Variants in SNX29 observed in about 807,000 individuals in gnomAD.
SNX29 encodes sorting nexin 29, also known as sorting nexin-29.
A neutral mutation model predicts 102.1 loss-of-function variants in SNX29; 78 were observed. The ratio of observed to expected loss-of-function variants is 0.76; its 90% CI spans 0.64 to 0.92. SNX29 has a LOEUF of 0.92. Among genes scored for constraint, SNX29 ranks in the 40% least tolerant of loss-of-function variants. The probability of loss-of-function intolerance (pLI) is 0.00; values close to 1 mark genes in which losing one functional copy is unlikely to be tolerated. For missense variants in SNX29, 1,280 were observed against 1,061.7 expected (o/e 1.21, Z -2.86); for synonymous variants, 580 against 414.5 (o/e 1.40, Z -4.85).
chr16:12,483,198 G>A (rs2088052095), intron 19 of SNX29, among the ~76,000 whole-genome samples: 1 of 129,868 alleles, frequency 7.7e-6, no homozygotes, highest in Non-Finnish European at 1.6e-5. Flanking sequence ...TTGTAGAGAT[G>A]GCATTTCACC....
At chr16:12,299,977 T>G (rs1407671741) in intron 15 of SNX29, among the ~76,000 whole-genome samples, 1 of 151,630 alleles carries the variant, frequency 6.6e-6, no homozygotes, top group Non-Finnish European at 1.5e-5. Flanking sequence ...TTCAAGCGAT[T>G]CTCCTGCCTC....
At chr16:12,490,141 C>T (rs192827925) in intron 19 of SNX29, among the ~76,000 whole-genome samples, 1 of 152,190 alleles carries the variant, frequency 6.6e-6, no homozygotes, top group East Asian at 1.9e-4. Flanking sequence ...GTATAGCATA[C>T]CTCCAATTTT....
chr16:12,221,637 G>A (rs538856199), intron 14 of SNX29, among the ~76,000 whole-genome samples: 51 of 152,222 alleles, frequency 3.4e-4, no homozygotes, highest in African/African-American at 1.1e-3. Context: ...AAAAAAGGAT[G>A]AACAGATGGG....
intron 18 of SNX29, among the ~76,000 whole-genome samples, chr16:12,442,205 C>T (rs2085838312): frequency 6.6e-6 from 1 of 152,218 alleles, no homozygotes; most frequent in Non-Finnish European, 1.5e-5. Flanking sequence ...GATCTTGGCA[C>T]TCTTGTCAAA....
At chr16:12,549,041 G>A (rs1478403949) in intron 20 of SNX29, among the ~76,000 whole-genome samples, 1 of 152,236 alleles carries the variant, frequency 6.6e-6, no homozygotes. Context: ...TATCTTAGGT[G>A]AGTCCACTCT....
intron 11 of SNX29, among the ~76,000 whole-genome samples, chr16:12,126,166 A>G (rs1166207892): frequency 6.6e-6 from 1 of 152,242 alleles, no homozygotes; most frequent in Non-Finnish European, 1.5e-5. Context: ...CTTGTGAACC[A>G]TACGGCTACC....
At chr16:12,206,697 C>T (rs886244394) in intron 14 of SNX29, among the ~76,000 whole-genome samples, 2 of 152,074 alleles carry the variant, frequency 1.3e-5, no homozygotes, top group African/African-American at 2.4e-5. Flanking sequence ...TCCATCTCTT[C>T]ACCCCACAGA....
intron 20 of SNX29, among the ~76,000 whole-genome samples, chr16:12,528,985 T>G (rs559362161): frequency 6.6e-6 from 1 of 152,366 alleles, no homozygotes; most frequent in East Asian, 1.9e-4. Context: ...CACACACTCT[T>G]CCATTTTTAA....
At chr16:12,006,206 A>AAATAATAATAATAATAATAAT (rs58638368) in intron 3 of SNX29, among the ~76,000 whole-genome samples, 15 of 146,726 alleles carry the variant, frequency 1.0e-4, no homozygotes, top group African/African-American at 3.5e-4. Context: ...CCTGTCTCTA[A>AAATAATAATAATAATAATAAT]AATAATAATA....
chr16:12,374,474 C>A (rs755383773), intron 16 of SNX29: 1 of 152,152 alleles, frequency 6.6e-6, no homozygotes, highest in Admixed American at 6.5e-5. Context: ...GAGTACGAGG[C>A]GTGTAGCCCT....
intron 13 of SNX29, among the ~76,000 whole-genome samples, chr16:12,158,783 C>A (rs755633544): frequency 2.6e-4 from 40 of 152,212 alleles, no homozygotes; most frequent in Non-Finnish European, 5.3e-4. Flanking sequence ...GAGCCTGTTT[C>A]CTTATTTGTG....
At chr16:12,208,343 G>A (rs911434654) in intron 14 of SNX29, among the ~76,000 whole-genome samples, 2 of 152,220 alleles carry the variant, frequency 1.3e-5, no homozygotes, top group South Asian at 2.1e-4. Flanking sequence ...ACTCAGAGGT[G>A]TGTGGTCTCC....
At chr16:12,419,229 G>A (rs931444086) in intron 18 of SNX29, among the ~76,000 whole-genome samples, 2 of 152,152 alleles carry the variant, frequency 1.3e-5, no homozygotes, top group Non-Finnish European at 2.9e-5. Flanking sequence ...GAGGGCTGGT[G>A]GTAGGGGTTG....
intron 13 of SNX29, among the ~76,000 whole-genome samples, chr16:12,163,845 G>C (rs570229139): frequency 6.6e-6 from 1 of 152,158 alleles, no homozygotes; most frequent in Non-Finnish European, 1.5e-5. Context: ...GTACTGTTCC[G>C]TGGTGCAGAG....
intron 13 of SNX29, among the ~76,000 whole-genome samples, chr16:12,184,683 T>G (rs1216633611): frequency 6.6e-6 from 1 of 152,210 alleles, no homozygotes; most frequent in Non-Finnish European, 1.5e-5. Flanking sequence ...TCTTGAGTTT[T>G]GAACTGGGAG....
chr16:12,410,518 C>T (rs1226711036), intron 18 of SNX29, among the ~76,000 whole-genome samples: 1 of 151,998 alleles, frequency 6.6e-6, no homozygotes, highest in Admixed American at 6.6e-5. Flanking sequence ...ACAATCATGG[C>T]TCATTTCAGC....
At chr16:12,502,666 G>C (rs1351237969) in intron 19 of SNX29, among the ~76,000 whole-genome samples, 2 of 152,164 alleles carry the variant, frequency 1.3e-5, no homozygotes, top group Admixed American at 6.5e-5. Context: ...AAATTCAAGT[G>C]ATTAATGGAA....
chr16:12,277,346 GCTAAA>G (rs2079283568), intron 14 of SNX29, among the ~76,000 whole-genome samples: 1 of 152,080 alleles, frequency 6.6e-6, no homozygotes, highest in Admixed American at 6.5e-5. Context: ...GCTGTAGTGA[GCTAAA>G]TGATTGATTG....
chr16:12,420,833 A>G (rs2084844701), intron 18 of SNX29, among the ~76,000 whole-genome samples: 2 of 152,168 alleles, frequency 1.3e-5, no homozygotes, highest in Admixed American at 1.3e-4. Context: ...TCTCGCCCAC[A>G]AGGCCCCATG....
Sources: allele counts gnomAD v4.1 joint callset (sites outside exome capture counted in the v4.1 genomes callset), GRCh38; gene constraint gnomAD v4.1.1; transcripts MANE v1.5; gene names NCBI Gene and HGNC (gene_info 2026-07-23, HGNC 2026-07-21).